Variants in SOX5 observed in about 807,000 individuals in gnomAD.
SOX5 encodes the protein SRY-box transcription factor 5, also known as transcription factor SOX-5.
A neutral mutation model predicts 92.0 loss-of-function variants in SOX5; 9 were observed. That is an observed-to-expected ratio of 0.10 (90% CI 0.06 to 0.17). The LOEUF is 0.17. SOX5 is among the 10% of genes least tolerant of loss of function. The pLI is 1.00. For missense variants in SOX5, 642 were observed against 944.5 expected, an observed-to-expected ratio of 0.68 and a Z score of 4.20; for synonymous variants, 344 against 336.3, an observed-to-expected ratio of 1.02 and a Z score of -0.25.
At chr12:24,419,527 A>T (rs568142375) in intron 1 of SOX5, among the ~76,000 whole-genome samples, 7 of 152,258 alleles carry the variant, frequency 4.6e-5, no homozygotes, top group African/African-American at 1.7e-4. Flanking sequence ...TCTGAACAGC[A>T]AATGTTACAG....
At chr12:24,329,465 T>C (rs1951058542) in intron 2 of SOX5, among the ~76,000 whole-genome samples, 1 of 152,150 alleles carries the variant, frequency 6.6e-6, no homozygotes, top group African/African-American at 2.4e-5. Context: ...CCAAAGTCCA[T>C]TCACCTCCCA....
intron 7 of SOX5, among the ~76,000 whole-genome samples, chr12:23,653,122 G>T (rs553887650): frequency 2.6e-5 from 4 of 151,822 alleles, no homozygotes; most frequent in Non-Finnish European, 1.5e-5. Context: ...CAGACCTTTC[G>T]TGGTTTTCTG....
At chr12:24,022,029 C>T (rs1001184396) in intron 4 of SOX5, among the ~76,000 whole-genome samples, 2 of 152,100 alleles carry the variant, frequency 1.3e-5, no homozygotes, top group Non-Finnish European at 2.9e-5. Context: ...TACTATGTGT[C>T]GGGCACTATG....
chr12:23,762,106 A>C (rs1409836881), intron 3 of SOX5, among the ~76,000 whole-genome samples: 1 of 152,176 alleles, frequency 6.6e-6, no homozygotes, highest in Non-Finnish European at 1.5e-5. Context: ...ATTAAACAGC[A>C]CAGTTTAAGT....
At chr12:24,068,163 A>C (rs1941103201) in intron 4 of SOX5, among the ~76,000 whole-genome samples, 1 of 152,208 alleles carries the variant, frequency 6.6e-6, no homozygotes, top group Non-Finnish European at 1.5e-5. Context: ...CAAAACAAAA[A>C]AAACTTAAAG....
intron 3 of SOX5, among the ~76,000 whole-genome samples, chr12:23,770,641 A>G (rs1469771434): frequency 6.6e-6 from 1 of 152,224 alleles, no homozygotes; most frequent in East Asian, 1.9e-4. Context: ...TTTAAACAAC[A>G]GAAATAATGG....
chr12:23,757,772 G>A, intron 3 of SOX5, among the ~76,000 whole-genome samples: 1 of 151,868 alleles, frequency 6.6e-6, no homozygotes, highest in East Asian at 1.9e-4. Context: ...TACTTTTAAG[G>A]CTATTGTCTG....
intron 1 of SOX5, among the ~76,000 whole-genome samples, chr12:24,370,653 G>A (rs759595074): frequency 3.3e-5 from 5 of 151,914 alleles, no homozygotes; most frequent in African/African-American, 7.3e-5. Context: ...TTAGCCAGGC[G>A]TGGGGGCACG....
At chr12:23,629,751 A>G (rs1425472054) in intron 8 of SOX5, among the ~76,000 whole-genome samples, 1 of 151,982 alleles carries the variant, frequency 6.6e-6, no homozygotes, top group Admixed American at 6.6e-5. Context: ...TTCATATTTC[A>G]TTCATTCTCT....
chr12:24,014,307 C>T (rs1269220855), intron 4 of SOX5, among the ~76,000 whole-genome samples: 2 of 152,188 alleles, frequency 1.3e-5, no homozygotes, highest in Non-Finnish European at 2.9e-5. Flanking sequence ...ACTCATTATG[C>T]ATGACGGCAT....
At chr12:24,219,308 T>C (rs1011942285) in intron 3 of SOX5, among the ~76,000 whole-genome samples, 16 of 152,028 alleles carry the variant, frequency 1.1e-4, no homozygotes, top group Admixed American at 9.8e-4. Context: ...GGAGTGGAAT[T>C]GAAATGTTCC....
intron 4 of SOX5, among the ~76,000 whole-genome samples, chr12:24,095,800 C>G (rs1055599237): frequency 6.6e-6 from 1 of 151,838 alleles, no homozygotes; most frequent in African/African-American, 2.4e-5. Flanking sequence ...TTATAAGGGG[C>G]TCTCCCTCCT....
At chr12:23,769,178 A>C (rs1057061132) in intron 3 of SOX5, among the ~76,000 whole-genome samples, 3 of 152,126 alleles carry the variant, frequency 2.0e-5, no homozygotes, top group African/African-American at 7.2e-5. Flanking sequence ...CCAAATCTCC[A>C]AACATGTGAA....
chr12:23,721,473 C>G (rs560547961), intron 6 of SOX5, among the ~76,000 whole-genome samples: 5 of 151,726 alleles, frequency 3.3e-5, no homozygotes, highest in African/African-American at 1.2e-4. Flanking sequence ...TATCCGAGAG[C>G]GTAAACTACC....
chr12:23,795,802 A>C (rs2095552123), intron 3 of SOX5, among the ~76,000 whole-genome samples: 2 of 152,162 alleles, frequency 1.3e-5, no homozygotes, highest in South Asian at 4.1e-4. Context: ...GTGTGCACAC[A>C]TATGTATGTA....
intron 4 of SOX5, among the ~76,000 whole-genome samples, chr12:23,979,911 G>GACAGACAGACAGACAGACA (rs1569372459): frequency 1.3e-4 from 16 of 119,446 alleles, no homozygotes; most frequent in African/African-American, 3.3e-4. Context: ...CTGGCTGGCT[G>GACAGACAGACAGACAGACA]GCCAGACAGA....
At chr12:24,113,732 A>G (rs532828861) in intron 4 of SOX5, among the ~76,000 whole-genome samples, 4 of 152,364 alleles carry the variant, frequency 2.6e-5, no homozygotes, top group African/African-American at 7.2e-5. Flanking sequence ...AGCAAAATCT[A>G]GAAAACTGCA....
At chr12:24,403,325 G>A (rs1432021040) in intron 1 of SOX5, among the ~76,000 whole-genome samples, 1 of 152,132 alleles carries the variant, frequency 6.6e-6, no homozygotes, top group African/African-American at 2.4e-5. Flanking sequence ...CATTCACTGT[G>A]TGTTTCCCCT....
intron 3 of SOX5, among the ~76,000 whole-genome samples, chr12:23,836,865 A>G (rs2096422418): frequency 6.6e-6 from 1 of 151,972 alleles, no homozygotes; most frequent in Non-Finnish European, 1.5e-5. Flanking sequence ...ACATTTAGTT[A>G]CATTCACTCT....
Sources: allele counts gnomAD v4.1 joint callset (sites outside exome capture counted in the v4.1 genomes callset), GRCh38; gene constraint gnomAD v4.1.1; transcripts MANE v1.5; gene names NCBI Gene and HGNC (gene_info 2026-07-23, HGNC 2026-07-21).